Variants in MRPS31 observed in about 807,000 individuals in gnomAD.
MRPS31 encodes small ribosomal subunit protein mS31.
A neutral mutation model predicts 43.1 loss-of-function variants in MRPS31; 32 were observed. That is an observed-to-expected ratio of 0.74 (90% CI 0.56 to 1.00). MRPS31 has a LOEUF of 1.00. MRPS31 is among the 50% of genes least tolerant of loss of function. The probability of loss-of-function intolerance (pLI) is 0.00; values close to 1 mark genes in which losing one functional copy is unlikely to be tolerated. For missense variants in MRPS31, 437 were observed against 466.7 expected (o/e 0.94, Z 0.59); for synonymous variants, 165 against 161.6 (o/e 1.02, Z -0.16).
intron 6 of MRPS31, among the ~76,000 whole-genome samples, chr13:40,734,729 C>G (rs746436394): frequency 1.3e-5 from 2 of 151,728 alleles, no homozygotes; most frequent in Non-Finnish European, 2.9e-5. Context: ...AGTGAGACCT[C>G]GTCTTTAGAA....
At chr13:40,733,384 C>T (rs1266710335) in intron 6 of MRPS31, among the ~76,000 whole-genome samples, 2 of 151,818 alleles carry the variant, frequency 1.3e-5, no homozygotes, top group Admixed American at 6.6e-5. Flanking sequence ...AGAATGTCCC[C>T]GGAGCATAGA....
At chr13:40,736,497 A>AAATTTCT (rs1386980310) in intron 6 of MRPS31, among the ~76,000 whole-genome samples, 1 of 147,986 alleles carries the variant, frequency 6.8e-6, no homozygotes, top group Non-Finnish European at 1.5e-5. Context: ...ACCAAAGTTG[A>AAATTTCT]AATGAAGGAA....
chr13:40,770,774 G>A (rs773654051), intron 1 of MRPS31: 1 of 554,942 alleles, frequency 1.8e-6, no homozygotes, highest in Non-Finnish European at 3.2e-6. Flanking sequence ...GAGGAATGAG[G>A]CGCGGCGTGT....
chr13:40,767,725 A>C (rs1387464654), intron 1 of MRPS31, among the ~76,000 whole-genome samples: 1 of 152,236 alleles, frequency 6.6e-6, no homozygotes, highest in Non-Finnish European at 1.5e-5. Flanking sequence ...AAAAACACTG[A>C]CATGGTTAAT....
intron 1 of MRPS31, among the ~76,000 whole-genome samples, chr13:40,770,162 G>T (rs748029601): frequency 5.3e-5 from 8 of 152,094 alleles, no homozygotes; most frequent in Non-Finnish European, 1.0e-4. Flanking sequence ...ATCCCATGAC[G>T]TCACATCCCT....
intron 6 of MRPS31, among the ~76,000 whole-genome samples, chr13:40,734,065 G>A (rs1879795798): frequency 6.6e-6 from 1 of 151,958 alleles, no homozygotes; most frequent in Non-Finnish European, 1.5e-5. Context: ...AGAGGTGGAG[G>A]TTGCAGTGAG....
intron 3 of MRPS31, among the ~76,000 whole-genome samples, chr13:40,758,561 G>A (rs1880599862): frequency 6.6e-6 from 1 of 152,030 alleles, no homozygotes; most frequent in Non-Finnish European, 1.5e-5. Context: ...ATACAGAAGA[G>A]GAAAAAGAGA....
At chr13:40,764,778 C>T (rs1310655660) in intron 2 of MRPS31, among the ~76,000 whole-genome samples, 1 of 152,180 alleles carries the variant, frequency 6.6e-6, no homozygotes, top group Admixed American at 6.5e-5. Flanking sequence ...ATTCCAGCCT[C>T]AGACTTCTAA....
At chr13:40,770,775 C>T (rs1880983943) in intron 1 of MRPS31, 3 of 555,032 alleles carry the variant, frequency 5.4e-6, no homozygotes, top group Non-Finnish European at 6.3e-6. Flanking sequence ...AGGAATGAGG[C>T]GCGGCGTGTA....
intron 6 of MRPS31, among the ~76,000 whole-genome samples, chr13:40,733,659 C>G (rs1313527513): frequency 1.6e-4 from 24 of 152,068 alleles, no homozygotes; most frequent in Admixed American, 1.4e-3. Flanking sequence ...ATGGCAAAAG[C>G]ATTCTCAACA....
In MRPS31 at chr13:40,751,643, T is replaced by C. The variant is rs572158583; in HGVS notation, c.815-2362A>G. On this transcript the variant is annotated intron_variant, in intron 5 of 6. Transcript: ENST00000323563. ...TTCAATCAGTCAATAAAAAAATTACTGAATGCCAACTGTATTTCCAGCATT... is the reference window on the plus strand; with the variant it reads ...TTCAATCAGTCAATAAAAAAATTACCGAATGCCAACTGTATTTCCAGCATT... Among the ~76,000 whole-genome samples the C allele has an allele frequency of 8.5e-5, 13 of 152,340 alleles. No homozygotes were observed. The East Asian group carries it at 2.1e-3, about 25-fold the overall frequency.
rs61011673 is a variant in MRPS31 at position 40,741,888 on chromosome 13, TACACACACACACACACAC to T, written c.958+7232_958+7249del. Reference sequence around the variant, plus strand: ...CAAGATATATTGCTAAGTAACAAAATACACACACACACACACACACACACACACACACACACACACACA... The same window carrying T: ...CAAGATATATTGCTAAGTAACAAAATACACACACACACACACACACACACA... On this transcript the variant is annotated intron_variant, in intron 6 of 6. Coordinates refer to ENST00000323563, the MANE Select transcript of MRPS31 (RefSeq NM_005830.4). Among the ~76,000 whole-genome samples, 87 of 140,832 alleles carry T rather than the reference TACACACACACACACACAC, an allele frequency of 6.2e-4. 1 individual carries two copies. The highest frequency in any genetic ancestry group is 1.7e-3 in the African/African-American group (62 of 36,666). 92.4% of individuals were successfully genotyped at this position (140,832 alleles called of 152,430 possible). A position where few individuals can be genotyped will look rare whatever the true frequency, so the allele number is the denominator to read the frequency against.
intron 6 of MRPS31, among the ~76,000 whole-genome samples, chr13:40,748,887 T>C (rs1163635711): frequency 6.6e-6 from 1 of 152,246 alleles, no homozygotes; most frequent in Non-Finnish European, 1.5e-5. Flanking sequence ...TCAGTCCTTT[T>C]ACGTCATAGA....
chr13:40,750,815 G>A (rs1222347844), intron 5 of MRPS31, among the ~76,000 whole-genome samples: 1 of 135,472 alleles, frequency 7.4e-6, no homozygotes, highest in African/African-American at 2.8e-5. Flanking sequence ...TCAATATTTT[G>A]ATCATTTATA....
intron 6 of MRPS31, among the ~76,000 whole-genome samples, chr13:40,741,133 G>A (rs1419286265): frequency 6.6e-6 from 1 of 151,528 alleles, no homozygotes; most frequent in Non-Finnish European, 1.5e-5. Context: ...ATATAATTTA[G>A]AAATATAAAA....
chr13:40,742,907 G>A (rs540477151), intron 6 of MRPS31, among the ~76,000 whole-genome samples: 1 of 152,152 alleles, frequency 6.6e-6, no homozygotes, highest in East Asian at 1.9e-4. Context: ...ATCAACTCAA[G>A]GTGGATTAAA....
intron 6 of MRPS31, among the ~76,000 whole-genome samples, chr13:40,746,660 C>T (rs1474499869): frequency 6.6e-6 from 1 of 152,182 alleles, no homozygotes; most frequent in Non-Finnish European, 1.5e-5. Context: ...TGACAACATA[C>T]CATGAGTTCG....
intron 1 of MRPS31, 33 bp downstream of exon 1, chr13:40,770,952 C>T: frequency 1.2e-6 from 2 of 1,613,846 alleles, no homozygotes; most frequent in Non-Finnish European, 8.5e-7. Context: ...GGAGGATGTA[C>T]AGGACGGGGC....
intron 2 of MRPS31, among the ~76,000 whole-genome samples, chr13:40,764,202 T>G (rs1413659207): frequency 6.6e-6 from 1 of 152,134 alleles, no homozygotes; most frequent in African/African-American, 2.4e-5. Context: ...ATACAGGCAT[T>G]GTTTCCAGGA....
Sources: allele counts gnomAD v4.1 joint callset (sites outside exome capture counted in the v4.1 genomes callset), GRCh38; gene constraint gnomAD v4.1.1; transcripts MANE v1.5; gene names NCBI Gene and HGNC (gene_info 2026-07-23, HGNC 2026-07-21).